Variants in DLG2 observed in about 807,000 individuals in gnomAD.
DLG2 encodes discs large MAGUK scaffold protein 2, also known as disks large homolog 2.
A neutral mutation model predicts 132.5 loss-of-function variants in DLG2; 45 were observed. The ratio of observed to expected loss-of-function variants is 0.34; its 90% CI spans 0.27 to 0.44. The LOEUF (loss-of-function observed/expected upper bound fraction) is 0.44, where lower values mean the gene tolerates loss of function less well. Ranked by LOEUF, DLG2 falls within the 20% of genes least tolerant of loss-of-function variation. The pLI, the probability that DLG2 is intolerant of heterozygous loss-of-function variation, is 1.00. For synonymous variants in DLG2, 424 were observed against 419.6 expected, an observed-to-expected ratio of 1.01 and a Z score of -0.13; for missense variants, 1,045 against 1,196.9, an observed-to-expected ratio of 0.87 and a Z score of 1.87.
At chr11:84,583,606 C>T (rs1256429220) in intron 6 of DLG2, among the ~76,000 whole-genome samples, 1 of 152,144 alleles carries the variant, frequency 6.6e-6, no homozygotes, top group Non-Finnish European at 1.5e-5. Context: ...AAATTAACAT[C>T]AACTTTAAAA....
chr11:83,895,931 G>C (rs1399376357), intron 15 of DLG2, among the ~76,000 whole-genome samples: 1 of 152,170 alleles, frequency 6.6e-6, no homozygotes, highest in African/African-American at 2.4e-5. Flanking sequence ...CTATTGAACT[G>C]AACACTGTAA....
At chr11:84,252,148 T>C (rs2097390435) in intron 7 of DLG2, among the ~76,000 whole-genome samples, 1 of 128,238 alleles carries the variant, frequency 7.8e-6, no homozygotes, top group Non-Finnish European at 1.7e-5. Context: ...TTCTTTTTTT[T>C]TTTTTTTTTT....
intron 21 of DLG2, among the ~76,000 whole-genome samples, chr11:83,507,211 C>G (rs1744572629): frequency 6.6e-6 from 1 of 152,056 alleles, no homozygotes; most frequent in South Asian, 2.1e-4. Context: ...ATGCCAAGGA[C>G]TATCAGTGTT....
At chr11:83,523,339 AC>A (rs35000162) in intron 21 of DLG2, among the ~76,000 whole-genome samples, 2,860 of 152,310 alleles carry the variant, frequency 0.019, 55 homozygotes, top group African/African-American at 0.047. Context: ...ATATTACATA[AC>A]CACATATTAT....
intron 6 of DLG2, among the ~76,000 whole-genome samples, chr11:85,103,218 T>C (rs1031637377): frequency 6.6e-6 from 1 of 151,964 alleles, no homozygotes; most frequent in Admixed American, 6.6e-5. Context: ...GAAATCTCTA[T>C]GAAAATCCCA....
intron 6 of DLG2, among the ~76,000 whole-genome samples, chr11:84,604,332 G>T (rs2099581757): frequency 6.6e-6 from 1 of 151,832 alleles, no homozygotes; most frequent in Non-Finnish European, 1.5e-5. Context: ...GATAATTGAA[G>T]AAAGTTCAGC....
chr11:84,486,577 T>A (rs190026247), intron 7 of DLG2, among the ~76,000 whole-genome samples: 1 of 152,056 alleles, frequency 6.6e-6, no homozygotes, highest in Non-Finnish European at 1.5e-5. Context: ...CTATTGGAAA[T>A]AGGTGTGAAA....
In DLG2 at chr11:84,161,016, A is replaced by G. The variant is rs1056567024; in HGVS notation, c.624+2445T>C. On this transcript the variant is annotated intron_variant, in intron 9 of 27. Coordinates refer to ENST00000376104, the MANE Select transcript of DLG2 (RefSeq NM_001142699.3). ...AAAGTGATTTTTTCTAAAGAAGTGT[A>G]TAAGAATTGCTAGAAAGTCTTGAGA... 4.4e-4 allele frequency among the ~76,000 whole-genome samples: 67 copies of G among 152,358 alleles called. 1 individual carries two copies. Among genetic ancestry groups the G allele is most frequent in the African/African-American group, 1.4e-3 (59 of 41,590 alleles).
intron 3 of DLG2, among the ~76,000 whole-genome samples, chr11:85,294,593 T>C (rs1044074613): frequency 6.6e-6 from 1 of 152,180 alleles, no homozygotes; most frequent in African/African-American, 2.4e-5. Flanking sequence ...AAAATTTACA[T>C]GTGTAAGTAC....
At chr11:83,847,119 A>C (rs114415104) in intron 16 of DLG2, among the ~76,000 whole-genome samples, 1,710 of 152,226 alleles carry the variant, frequency 0.011, 33 homozygotes, top group African/African-American at 0.039. Context: ...TTTTTTGATA[A>C]TTATAACAGG....
At chr11:84,378,971 A>C (rs1416890668) in intron 7 of DLG2, among the ~76,000 whole-genome samples, 1 of 151,816 alleles carries the variant, frequency 6.6e-6, no homozygotes, top group Non-Finnish European at 1.5e-5. Flanking sequence ...CAAAAACAAA[A>C]ACAAACATAA....
intron 6 of DLG2, among the ~76,000 whole-genome samples, chr11:84,905,367 T>C (rs1366295947): frequency 6.6e-6 from 1 of 152,226 alleles, no homozygotes; most frequent in Non-Finnish European, 1.5e-5. Context: ...TATCCAATGC[T>C]TTCTCTCTCT....
intron 19 of DLG2, among the ~76,000 whole-genome samples, chr11:83,551,938 G>A (rs1038254305): frequency 2.6e-5 from 4 of 152,154 alleles, no homozygotes; most frequent in South Asian, 4.1e-4. Flanking sequence ...ATGTTTGGTT[G>A]GGAATATGGG....
chr11:85,101,814 G>A (rs1363465735), intron 6 of DLG2, among the ~76,000 whole-genome samples: 3 of 152,042 alleles, frequency 2.0e-5, no homozygotes, highest in African/African-American at 7.2e-5. Context: ...GAAAGATAGA[G>A]CTTAGCAACC....
chr11:84,503,170 T>C (rs931388223), intron 7 of DLG2, among the ~76,000 whole-genome samples: 3 of 152,204 alleles, frequency 2.0e-5, no homozygotes, highest in Admixed American at 6.5e-5. Context: ...CAATTTCTTA[T>C]GGAATAAACC....
intron 15 of DLG2, among the ~76,000 whole-genome samples, chr11:83,908,734 T>G (rs955365067): frequency 6.7e-6 from 1 of 148,908 alleles, no homozygotes; most frequent in African/African-American, 2.4e-5. Flanking sequence ...GGACTCAATA[T>G]GCAGCATTTT....
chr11:84,867,768 G>A (rs1276832895), intron 6 of DLG2, among the ~76,000 whole-genome samples: 1 of 152,148 alleles, frequency 6.6e-6, no homozygotes, highest in African/African-American at 2.4e-5. Context: ...AAAATTGTCA[G>A]GACCTTGTTT....
At chr11:84,113,934 C>T (rs1015340298) in intron 9 of DLG2, among the ~76,000 whole-genome samples, 1 of 152,042 alleles carries the variant, frequency 6.6e-6, no homozygotes, top group Non-Finnish European at 1.5e-5. Context: ...TGAAAACATT[C>T]TGCCTTTCTC....
chr11:85,043,227 A>G (rs983692589), intron 6 of DLG2, among the ~76,000 whole-genome samples: 3 of 151,828 alleles, frequency 2.0e-5, no homozygotes, highest in African/African-American at 7.2e-5. Flanking sequence ...TGTACTTAAA[A>G]TTATTTACTG....
Sources: gnomAD v4.1 joint callset for allele counts (sites outside exome capture counted in the v4.1 genomes callset) on GRCh38, gnomAD v4.1.1 for gene constraint, MANE v1.5 for transcripts, NCBI Gene and HGNC (gene_info 2026-07-23, HGNC 2026-07-21) for gene names.